The following ZNF322 variants were observed in gnomAD, a reference collection of about 807,000 sequenced individuals.
The protein encoded by ZNF322 is HLA complex group 12.
A neutral mutation model predicts 18.3 loss-of-function variants in ZNF322; 1 was observed. The ratio of observed to expected loss-of-function variants is 0.05; its 90% confidence interval spans 0.02 to 0.26. The LOEUF (loss-of-function observed/expected upper bound fraction) is 0.26. Ranked by LOEUF, ZNF322 falls within the 10% of genes least tolerant of loss-of-function variation. The pLI, the probability that ZNF322 is intolerant of heterozygous loss-of-function variation, is 1.00. For missense variants in ZNF322, 36 were observed against 403.6 expected, an observed-to-expected ratio of 0.09 and a Z score of 7.80; for synonymous variants, 17 against 130.7, an observed-to-expected ratio of 0.13 and a Z score of 5.93.
chr6:26,657,924 A>C (rs1765811348), intron 2 of ZNF322, among the ~76,000 whole-genome samples: 2 of 152,010 alleles, frequency 1.3e-5, no homozygotes, highest in Admixed American at 6.5e-5. Flanking sequence ...GAAAGGAATA[A>C]ACTGGAACAC....
intron 2 of ZNF322, among the ~76,000 whole-genome samples, chr6:26,646,508 C>T (rs1025915915): frequency 1.3e-5 from 2 of 152,056 alleles, no homozygotes. Flanking sequence ...TATCACATTA[C>T]ACAGCAGGCA....
intron 2 of ZNF322, among the ~76,000 whole-genome samples, chr6:26,645,997 C>G (rs577548924): frequency 2.0e-5 from 3 of 151,950 alleles, no homozygotes; most frequent in Middle Eastern, 3.4e-3. Context: ...GGCCATTGCA[C>G]TCCAGCCTGG....
At chr6:26,651,436 C>T (rs968266081) in intron 2 of ZNF322, 3 of 152,006 alleles carry the variant, frequency 2.0e-5, no homozygotes, top group Non-Finnish European at 4.4e-5. Flanking sequence ...GAGGCTGAGA[C>T]ATAGCAGGGT....
chr6:26,646,997 C>A (rs1252293832), intron 2 of ZNF322, among the ~76,000 whole-genome samples: 1 of 151,946 alleles, frequency 6.6e-6, no homozygotes, highest in African/African-American at 2.4e-5. Flanking sequence ...CCAGTTCATG[C>A]CTATATTTCT....
intron 2 of ZNF322, among the ~76,000 whole-genome samples, chr6:26,646,495 A>G (rs1765562060): frequency 6.6e-6 from 1 of 152,200 alleles, no homozygotes; most frequent in Non-Finnish European, 1.5e-5. Context: ...ATGGTTATCT[A>G]TGTATCACAT....
intron 2 of ZNF322, among the ~76,000 whole-genome samples, chr6:26,648,747 A>G (rs1207887141): frequency 1.3e-5 from 2 of 152,242 alleles, no homozygotes; most frequent in African/African-American, 4.8e-5. Flanking sequence ...ATGCCAAATA[A>G]AGCATAGGAA....
At position 26,659,464 on chromosome 6, in the gene ZNF322, CT is replaced by C. The variant is rs1554149972; in HGVS notation, c.-359del. On this transcript the variant is annotated 5_prime_UTR_variant, in exon 1 of 4. Coordinates refer to ENST00000415922, the MANE Select transcript of ZNF322 (RefSeq NM_024639.5). ...ACCCTGGCAGCCGCCGGCGCCGCCC[CT>C]AGGCCTGGGGACAGCACTTCCGGTT... The C allele has an allele frequency of 6.0e-6, 1 of 167,662 alleles. No individual in the cohort carries two copies. The highest frequency in any genetic ancestry group is 2.4e-5 in the African/African-American group (1 of 41,610). 10.4% of individuals were successfully genotyped at this position (167,662 alleles called of 1,614,324 possible).
intron 2 of ZNF322, among the ~76,000 whole-genome samples, chr6:26,647,490 C>T (rs930463312): frequency 8.6e-5 from 13 of 150,890 alleles, no homozygotes; most frequent in Non-Finnish European, 1.6e-4. Context: ...GAAGAATAAC[C>T]ACCGAAAAGA....
intron 2 of ZNF322, among the ~76,000 whole-genome samples, chr6:26,646,320 C>A (rs1304310095): frequency 1.1e-4 from 17 of 151,902 alleles, no homozygotes; most frequent in Admixed American, 1.1e-3. Context: ...ACAAGAGACA[C>A]CTAAAGCAAA....
rs541692527 is a variant in ZNF322, at chr6:26,654,201, C to A, written c.-246+4357G>T. On this transcript the variant is annotated intron_variant, in intron 2 of 3. Transcript: ENST00000415922. ...CTAGAATGAACTCTGTAGTGTTTAA[C>A]TGGAATTAGAAGTACCAGTATAAGT... Among the ~76,000 whole-genome samples, 6 of 152,184 alleles carry A rather than the reference C, an allele frequency of 3.9e-5. No individual in the cohort carries two copies. In the East Asian group the frequency reaches 1.2e-3, roughly 29 times the overall value.
intron 2 of ZNF322, among the ~76,000 whole-genome samples, chr6:26,656,305 T>C (rs1765769951): frequency 1.3e-5 from 2 of 152,198 alleles, no homozygotes; most frequent in African/African-American, 2.4e-5. Context: ...TCTTTTTTCC[T>C]CACAGAGTTG....
chr6:26,657,404 C>T (rs965075420), intron 2 of ZNF322, among the ~76,000 whole-genome samples: 2 of 152,118 alleles, frequency 1.3e-5, no homozygotes, highest in African/African-American at 2.4e-5. Context: ...TGCACTTGTT[C>T]CTTCTGCCTA....
chr6:26,658,310 C>T (rs1317225570), intron 2 of ZNF322, among the ~76,000 whole-genome samples: 1 of 152,030 alleles, frequency 6.6e-6, no homozygotes, highest in African/African-American at 2.4e-5. Context: ...CCTCTTTGTG[C>T]TACAAATCAA....
At chr6:26,649,701 AT>A (rs1321909101) in intron 2 of ZNF322, among the ~76,000 whole-genome samples, 37 of 76,812 alleles carry the variant, frequency 4.8e-4, no homozygotes, top group African/African-American at 7.3e-4. Context: ...ATATATATAT[AT>A]TTTTTTTTTT....
intron 3 of ZNF322, among the ~76,000 whole-genome samples, chr6:26,643,287 C>G (rs946963992): frequency 6.6e-6 from 1 of 152,170 alleles, no homozygotes; most frequent in Non-Finnish European, 1.5e-5. Context: ...CTTTCCTAAC[C>G]ACTCTGTTTA....
At chr6:26,649,847 G>A (rs1765636498) in intron 2 of ZNF322, among the ~76,000 whole-genome samples, 1 of 150,582 alleles carries the variant, frequency 6.6e-6, no homozygotes, top group South Asian at 2.1e-4. Context: ...GGGATTGCAG[G>A]CATGCACCAC....
intron 2 of ZNF322, among the ~76,000 whole-genome samples, chr6:26,646,693 G>T (rs564065691): frequency 1.3e-5 from 2 of 152,016 alleles, no homozygotes; most frequent in Admixed American, 1.3e-4. Flanking sequence ...ATATTAAACC[G>T]TATGTCCTGA....
chr6:26,644,480 T>A (rs1561922932), intron 2 of ZNF322, among the ~76,000 whole-genome samples: 1 of 152,198 alleles, frequency 6.6e-6, no homozygotes, highest in Non-Finnish European at 1.5e-5. Context: ...TGGCTCTAGT[T>A]CCAGGTAAGA....
rs1279731460 is a variant in ZNF322, at chr6:26,635,072, A to G, written c.*2273T>C. 2 of 147,602 alleles carry G rather than the reference A, an allele frequency of 1.4e-5. No homozygotes were observed. The highest frequency in any genetic ancestry group is 5.1e-5 in the African/African-American group (2 of 39,530). 9.1% of individuals were successfully genotyped at this position (147,602 alleles called of 1,614,324 possible). A position where few individuals can be genotyped will look rare whatever the true frequency, so the allele number is the denominator to read the frequency against. ...TAAACTTCCAGGATCTTTTTCTAAA[A>G]GAAAAAAAAATACCCTAGAATCCTT... On this transcript the variant is annotated 3_prime_UTR_variant, in exon 4 of 4. Coordinates refer to ENST00000415922, the MANE Select transcript of ZNF322 (RefSeq NM_024639.5).
Sources: gnomAD v4.1 joint callset for allele counts (sites outside exome capture counted in the v4.1 genomes callset) on GRCh38, gnomAD v4.1.1 for gene constraint, MANE v1.5 for transcripts, NCBI Gene and HGNC (gene_info 2026-07-23, HGNC 2026-07-21) for gene names.